JCAD: variants seen among roughly 807,000 people sequenced by gnomAD.
JCAD encodes the protein junctional cadherin 5 associated.
Under a neutral mutation model 98.0 loss-of-function variants are expected in JCAD, and 40 were observed. The observed-to-expected ratio is 0.41, with a 90% CI of 0.32 to 0.53. The LOEUF (loss-of-function observed/expected upper bound fraction) is 0.53. JCAD is among the 20% of genes least tolerant of loss of function. The probability of loss-of-function intolerance (pLI) is 0.31; values close to 1 mark genes in which losing one functional copy is unlikely to be tolerated. For synonymous variants in JCAD, 691 were observed against 682.3 expected (o/e 1.01, Z -0.20); for missense variants, 1,705 against 1,738.1 (o/e 0.98, Z 0.34).
chr10:30,077,958 T>C (rs937903493), intron 1 of JCAD, among the ~76,000 whole-genome samples: 6 of 152,218 alleles, frequency 3.9e-5, no homozygotes, highest in African/African-American at 1.4e-4. Flanking sequence ...ATATGCCAAT[T>C]CTACGTTTAA....
In JCAD at chr10:30,092,126, A is replaced by AT. The variant is rs1491284119; in HGVS notation, n.129-22306_129-22305insA. 5.0e-4 allele frequency among the ~76,000 whole-genome samples: 54 copies of AT among 107,090 alleles called. 3 individuals are homozygous for AT. The highest frequency in any genetic ancestry group is 1.4e-3 in the South Asian group (5 of 3,496). The allele number at this position is 107,090 out of a possible 152,430, so 70.3% of individuals were successfully genotyped here. A position where few individuals can be genotyped will look rare whatever the true frequency, so the allele number is the denominator to read the frequency against. ...TATATATATATATATATATATATAT[A>AT]AAAAACATTTTAACTCTTTGCAAGA... On this transcript the variant is annotated intron_variant and non_coding_transcript_variant, in intron 1 of 2. Coordinates refer to the JCAD transcript ENST00000465712.
chr10:30,040,028 T>A (rs1352530190), intron 2 of JCAD, among the ~76,000 whole-genome samples: 1 of 152,256 alleles, frequency 6.6e-6, no homozygotes, highest in Non-Finnish European at 1.5e-5. Flanking sequence ...GTAGGTTATC[T>A]TGAAGCTCTG....
chr10:30,021,835 G>A (rs759699554), intron 3 of JCAD, among the ~76,000 whole-genome samples: 2 of 152,182 alleles, frequency 1.3e-5, no homozygotes, highest in Non-Finnish European at 2.9e-5. Flanking sequence ...CATTTCAGCT[G>A]AGGACAACTC....
At chr10:30,102,836 A>G (rs1255645761) in intron 1 of JCAD, among the ~76,000 whole-genome samples, 1 of 136,612 alleles carries the variant, frequency 7.3e-6, no homozygotes, top group Non-Finnish European at 1.7e-5. Flanking sequence ...ATCGTGGCAG[A>G]AGGCAAATGA....
In JCAD at chr10:30,028,829, TG is replaced by T; in HGVS notation, c.1318del (p.Gln440ArgfsTer7). The T allele has an allele frequency of 6.2e-7, 1 of 1,614,224 alleles. No individual in the cohort carries two copies. The highest frequency in any genetic ancestry group is 8.5e-7 in the Non-Finnish European group (1 of 1,180,048). ...RLRHFKLAQPQGFCEDIKLDD... is the reference protein window; with the variant it reads ...RLRHFKLAQPXGFCEDIKLDD... Reference sequence around the variant, plus strand: ...AAGCTTTATGTCTTCACAGAAACCCTGGGGCTGAGCTAGTTTAAAATGTCGT... The same window carrying T: ...AAGCTTTATGTCTTCACAGAAACCCTGGGCTGAGCTAGTTTAAAATGTCGT... On this transcript the variant is annotated frameshift_variant, in exon 3 of 4. Transcript: ENST00000375377. LOFTEE classifies it high-confidence loss of function.
chr10:30,056,284 G>T (rs1837568585), intron 1 of JCAD, among the ~76,000 whole-genome samples: 1 of 151,998 alleles, frequency 6.6e-6, no homozygotes, highest in African/African-American at 2.4e-5. Flanking sequence ...ATAAAAAAAA[G>T]CCAAGTCTTT....
intron 2 of JCAD, among the ~76,000 whole-genome samples, chr10:30,033,185 G>T (rs1432755854): frequency 6.6e-6 from 1 of 152,148 alleles, no homozygotes; most frequent in Non-Finnish European, 1.5e-5. Context: ...AACCTAAAAC[G>T]CTCAATTAAC....
At chr10:30,067,290 C>T (rs1837800763) in intron 2 of JCAD, among the ~76,000 whole-genome samples, 1 of 151,864 alleles carries the variant, frequency 6.6e-6, no homozygotes, top group Non-Finnish European at 1.5e-5. Flanking sequence ...CCTAGCAATA[C>T]AAGGTGGAAG....
At chr10:30,023,912 A>G (rs1475485741) in intron 3 of JCAD, among the ~76,000 whole-genome samples, 3 of 152,184 alleles carry the variant, frequency 2.0e-5, no homozygotes, top group Admixed American at 2.0e-4. Context: ...AATACTCCCT[A>G]GACTGGGCAC....
intron 1 of JCAD, among the ~76,000 whole-genome samples, chr10:30,053,750 G>T (rs1334529381): frequency 2.0e-5 from 3 of 150,856 alleles, no homozygotes; most frequent in Non-Finnish European, 3.0e-5. Flanking sequence ...TAGACTAAAT[G>T]TCTAATTTAG....
At chr10:30,058,391 G>A (rs1022750385) in intron 1 of JCAD, among the ~76,000 whole-genome samples, 6 of 152,102 alleles carry the variant, frequency 3.9e-5, no homozygotes, top group African/African-American at 1.4e-4. Flanking sequence ...GTGGGTGTAG[G>A]TGTGGGGAGG....
chr10:30,065,146 C>A (rs1464335055), intron 2 of JCAD, among the ~76,000 whole-genome samples: 1 of 152,186 alleles, frequency 6.6e-6, no homozygotes, highest in Non-Finnish European at 1.5e-5. Flanking sequence ...TTAATACATA[C>A]AATATACACT....
intron 1 of JCAD, among the ~76,000 whole-genome samples, chr10:30,100,671 A>C (rs1274457908): frequency 6.6e-6 from 1 of 152,182 alleles, no homozygotes; most frequent in African/African-American, 2.4e-5. Context: ...GGTGTGAGCC[A>C]CCCGACCCTG....
intron 2 of JCAD, among the ~76,000 whole-genome samples, chr10:30,035,253 C>T (rs1837085051): frequency 1.3e-5 from 2 of 152,220 alleles, no homozygotes; most frequent in South Asian, 4.1e-4. Context: ...TACACTATCA[C>T]TTTAACTTTG....
chr10:30,093,215 A>G (rs1564470316), intron 1 of JCAD, among the ~76,000 whole-genome samples: 1 of 152,224 alleles, frequency 6.6e-6, no homozygotes, highest in Non-Finnish European at 1.5e-5. Flanking sequence ...AGACCATGCC[A>G]GGGAAGGAAT....
At chr10:30,069,280 G>C (rs950894267) in intron 2 of JCAD, among the ~76,000 whole-genome samples, 1 of 151,850 alleles carries the variant, frequency 6.6e-6, no homozygotes, top group Non-Finnish European at 1.5e-5. Context: ...CTGAGGACTG[G>C]GGCTGACCAA....
At chr10:30,096,947 G>T (rs1262723416) in intron 1 of JCAD, among the ~76,000 whole-genome samples, 1 of 152,196 alleles carries the variant, frequency 6.6e-6, no homozygotes, top group Non-Finnish European at 1.5e-5. Context: ...AAAGGAATAA[G>T]TTACAGGATG....
intron 1 of JCAD, among the ~76,000 whole-genome samples, chr10:30,101,855 C>A (rs1225153298): frequency 1.3e-5 from 2 of 152,184 alleles, no homozygotes; most frequent in Non-Finnish European, 2.9e-5. Context: ...CACTTAGAGA[C>A]ATTTGCATGG....
intron 1 of JCAD, among the ~76,000 whole-genome samples, chr10:30,085,262 C>T (rs760752961): frequency 1.2e-4 from 18 of 151,996 alleles, no homozygotes; most frequent in South Asian, 2.1e-4. Context: ...AGCAGGCTTA[C>T]GTAAAATGAT....
Sources: allele counts gnomAD v4.1 joint callset (sites outside exome capture counted in the v4.1 genomes callset), GRCh38; gene constraint gnomAD v4.1.1; transcripts MANE v1.5; gene names NCBI Gene and HGNC (gene_info 2026-07-23, HGNC 2026-07-21).